Variants in ECE1 observed in about 807,000 individuals in gnomAD.
ECE1 encodes the protein endothelin converting enzyme 1.
ECE1 carries 35 observed loss-of-function variants against 98.6 expected under a neutral mutation model. The observed-to-expected ratio is 0.35, with a 90% CI of 0.27 to 0.47. The LOEUF is 0.47. ECE1 is among the 20% of genes least tolerant of loss of function. The pLI is 1.00. For missense variants in ECE1, 814 were observed against 1,025.3 expected (o/e 0.79, Z 2.81); for synonymous variants, 394 against 407.1 (o/e 0.97, Z 0.39).
At chr1:21,248,716 C>G (rs1237062329) in intron 8 of ECE1, among the ~76,000 whole-genome samples, 1 of 151,992 alleles carries the variant, frequency 6.6e-6, no homozygotes, top group Non-Finnish European at 1.5e-5. Context: ...CCTCCGCCTC[C>G]CAGGTTCAAG....
At position 21,219,924 on chromosome 1, in the gene ECE1, C is replaced by T. The variant is rs1376461656; in HGVS notation, c.*31G>A. The T allele has an allele frequency of 1.2e-6, 2 of 1,613,288 alleles. No individual in the cohort carries two copies. The highest frequency in any genetic ancestry group is 1.7e-6 in the Non-Finnish European group (2 of 1,179,830). ...GGGGTCTCGTCCTCAGCCCCTTCCCCTCCTCCGTCTTGGCTCTCTCCGCTT... is the reference window on the plus strand; with the variant it reads ...GGGGTCTCGTCCTCAGCCCCTTCCCTTCCTCCGTCTTGGCTCTCTCCGCTT... On this transcript the variant is annotated 3_prime_UTR_variant, in exon 19 of 19. Transcript: ENST00000374893. This position sits in a 1 kb window ranked among gnomAD's most constrained non-coding sequence, Gnocchi z 4.5.
At chr1:21,245,846 T>C (rs2098202694) in intron 9 of ECE1, among the ~76,000 whole-genome samples, 1 of 152,152 alleles carries the variant, frequency 6.6e-6, no homozygotes, top group South Asian at 2.1e-4. Flanking sequence ...TTAGTTATGA[T>C]AATGGGAAAA....
intron 14 of ECE1, among the ~76,000 whole-genome samples, chr1:21,231,588 C>A (rs559524648): frequency 1.3e-5 from 2 of 152,144 alleles, no homozygotes; most frequent in African/African-American, 2.4e-5. Context: ...GTGATCTACC[C>A]GCCTTGGCCT....
At chr1:21,295,172 T>C (rs1300666386), upstream of ECE1, among the ~76,000 whole-genome samples, 2 of 152,214 alleles carry the variant, frequency 1.3e-5, no homozygotes, top group African/African-American at 2.4e-5. Flanking sequence ...ATAACAATAG[T>C]ACCTCCCTCA....
chr1:21,314,405 G>A (rs1000504649), intron 1 of ECE1, among the ~76,000 whole-genome samples: 1 of 152,198 alleles, frequency 6.6e-6, no homozygotes, highest in African/African-American at 2.4e-5. Flanking sequence ...GCTTGGCTCA[G>A]TTCAGTCCCA....
At chr1:21,342,788 C>T (rs1219438495) in intron 1 of ECE1, among the ~76,000 whole-genome samples, 3 of 152,200 alleles carry the variant, frequency 2.0e-5, no homozygotes, top group Non-Finnish European at 4.4e-5. Flanking sequence ...CGAATCACCC[C>T]TGCCTCAGGA....
intron 3 of ECE1, among the ~76,000 whole-genome samples, chr1:21,273,857 G>T (rs1326809754): frequency 6.6e-6 from 1 of 152,220 alleles, no homozygotes; most frequent in Non-Finnish European, 1.5e-5. Flanking sequence ...AGACTGGTTT[G>T]CCAGAGGCAA....
intron 1 of ECE1, among the ~76,000 whole-genome samples, chr1:21,313,057 G>C (rs1442074227): frequency 6.6e-6 from 1 of 152,130 alleles, no homozygotes; most frequent in Non-Finnish European, 1.5e-5. Flanking sequence ...GGCAGGACTG[G>C]ACACCAGGTC....
chr1:21,303,632 C>T (rs1006505366), intron 1 of ECE1, among the ~76,000 whole-genome samples: 5 of 152,162 alleles, frequency 3.3e-5, no homozygotes, highest in Non-Finnish European at 7.3e-5. Flanking sequence ...ATTTGGCCTA[C>T]GGCACTAGGA....
At chr1:21,283,669 G>A (rs997599542) in intron 2 of ECE1, among the ~76,000 whole-genome samples, 1 of 152,188 alleles carries the variant, frequency 6.6e-6, no homozygotes, top group Admixed American at 6.5e-5. Flanking sequence ...AGAGAACAGT[G>A]AGGCAACCCA....
At position 21,219,773 on chromosome 1, in the gene ECE1, G is replaced by A. The variant is rs1471885707; in HGVS notation, c.*182C>T. ...CCTGGGATGTCCGGCTCTTCACAGG[G>A]GATCAGACTGCGGGTCACGTTGAGA... On this transcript the variant is annotated 3_prime_UTR_variant, in exon 19 of 19. Coordinates refer to ENST00000374893, the MANE Select transcript of ECE1 (RefSeq NM_001397.3). This position sits in a 1 kb window ranked among gnomAD's most constrained non-coding sequence, Gnocchi z 4.5. The A allele has an allele frequency of 1.5e-5, 11 of 730,534 alleles. No homozygotes were observed. The highest frequency in any genetic ancestry group is 6.8e-5 in the South Asian group (4 of 59,156). The allele number at this position is 730,534 out of a possible 1,614,324, so 45.3% of individuals were successfully genotyped here.
At chr1:21,287,916 CT>C (rs1221814529) in intron 2 of ECE1, among the ~76,000 whole-genome samples, 3 of 151,828 alleles carry the variant, frequency 2.0e-5, no homozygotes, top group East Asian at 3.9e-4. Flanking sequence ...ACTTGACTAT[CT>C]TTTTTTCTCC....
At chr1:21,273,359 G>GTT (rs1316539502) in intron 3 of ECE1, among the ~76,000 whole-genome samples, 1 of 149,704 alleles carries the variant, frequency 6.7e-6, no homozygotes, top group Non-Finnish European at 1.5e-5. Context: ...GTGTGTGTGT[G>GTT]TGTGTGTGTG....
intron 14 of ECE1, among the ~76,000 whole-genome samples, chr1:21,231,074 C>T (rs950758442): frequency 6.6e-6 from 1 of 152,070 alleles, no homozygotes; most frequent in Non-Finnish European, 1.5e-5. Context: ...GTGATCCACC[C>T]GCCTTGGCCT....
chr1:21,279,811 C>T (rs28367936), intron 2 of ECE1: 85,029 of 739,592 alleles, frequency 0.11, 5,279 homozygotes, highest in Non-Finnish European at 0.13. Flanking sequence ...CATAATCCCA[C>T]GCAAAAACAC....
intron 3 of ECE1, among the ~76,000 whole-genome samples, chr1:21,274,887 G>T (rs2098244694): frequency 6.6e-6 from 1 of 152,156 alleles, no homozygotes; most frequent in Admixed American, 6.5e-5. Context: ...AATGGTGGGG[G>T]TGATGGTGCC....
In ECE1 at chr1:21,224,773, C is replaced by T. The variant is rs141507182; in HGVS notation, c.2040+477G>A. Among the ~76,000 whole-genome samples, 783 of 152,260 alleles carry T rather than the reference C, an allele frequency of 5.1e-3. 6 individuals are homozygous for T. Among genetic ancestry groups the T allele is most frequent in the African/African-American group, 0.018 (745 of 41,552 alleles). ...CATCTTGTTTTATCTTCCCAACAAC[C>T]CAATAATGCAGGTAGTAGCTAATCA... On this transcript the variant is annotated intron_variant, in intron 17 of 18. Transcript: ENST00000374893.
chr1:21,291,933 G>T (rs1426704005), upstream of ECE1, among the ~76,000 whole-genome samples: 3 of 151,464 alleles, frequency 2.0e-5, no homozygotes, highest in Non-Finnish European at 2.9e-5. Flanking sequence ...TTCTAGGCCA[G>T]CCTGGGCAAC....
intron 13 of ECE1, among the ~76,000 whole-genome samples, chr1:21,234,234 C>T (rs2098185301): frequency 6.6e-6 from 1 of 151,864 alleles, no homozygotes; most frequent in East Asian, 1.9e-4. Context: ...GTGATCAGCC[C>T]ACCTTGGCAT....
Sources: allele counts gnomAD v4.1 joint callset (sites outside exome capture counted in the v4.1 genomes callset), GRCh38; gene constraint gnomAD v4.1.1; non-coding constraint Gnocchi (gnomAD v3.1); transcripts MANE v1.5; gene names NCBI Gene and HGNC (gene_info 2026-07-23, HGNC 2026-07-21).